Variants in ZNF737 observed in about 807,000 individuals in gnomAD.
The protein encoded by ZNF737 is zinc finger protein 102 (Y3).
ZNF737 carries 13 observed loss-of-function variants against 11.7 expected under a neutral mutation model. The ratio of observed to expected loss-of-function variants is 1.11; its 90% confidence interval spans 0.73 to 1.77. ZNF737 has a LOEUF of 1.77. Among genes scored for constraint, ZNF737 ranks in the 40% most tolerant of loss-of-function variants. The pLI, the probability that ZNF737 is intolerant of heterozygous loss-of-function variation, is 0.00. For synonymous variants in ZNF737, 217 were observed against 216.2 expected (o/e 1.00, Z -0.03); for missense variants, 636 against 638.0 (o/e 1.00, Z 0.03).
At chr19:20,551,588 A>G (rs1968674139) in intron 3 of ZNF737, among the ~76,000 whole-genome samples, 1 of 152,108 alleles carries the variant, frequency 6.6e-6, no homozygotes, top group African/African-American at 2.4e-5. Flanking sequence ...TGAGTAAATT[A>G]GCAAAATATA....
chr19:20,562,351 T>G (rs1291777631), intron 1 of ZNF737, among the ~76,000 whole-genome samples: 17 of 150,824 alleles, frequency 1.1e-4, no homozygotes, highest in Non-Finnish European at 3.0e-5. Flanking sequence ...TTTTTTTTTT[T>G]TTTTTTTGAA....
rs376021639 is a variant in ZNF737, at chr19:20,544,611, T to C, written c.1592A>G (p.His531Arg). 2.0e-5 allele frequency: 32 copies of C among 1,604,436 alleles called. 2 individuals are homozygous for C. In the Middle Eastern group the frequency reaches 9.9e-4, roughly 50 times the overall value. The change falls in exon 4 of 4, where the codon CAT becomes CGT. Residue 531 changes from histidine to arginine, a missense_variant. His to Arg is a conservative substitution (Grantham distance 29). Coordinates refer to ENST00000427401, the MANE Select transcript of ZNF737 (RefSeq NM_001159293.2). The part of the protein sequence containing the change: ...PSTLTTHKVI[H>R]TGEKL Reference sequence around the variant, plus strand: ...TCACATTTATAGTTTCTCTCCAGTATGAATTACCTTATGTGTAGTAAGGGT... The same window carrying C: ...TCACATTTATAGTTTCTCTCCAGTACGAATTACCTTATGTGTAGTAAGGGT...
At chr19:20,551,887 GTT>G (rs200893537) in intron 3 of ZNF737, among the ~76,000 whole-genome samples, 1 of 139,924 alleles carries the variant, frequency 7.1e-6, no homozygotes, top group Non-Finnish European at 1.5e-5. Flanking sequence ...AAATTGCAGT[GTT>G]TTTTTTTTAC....
intron 1 of ZNF737, 117 bp downstream of exon 1, chr19:20,565,521 C>A (rs1401022345): frequency 1.9e-6 from 3 of 1,556,592 alleles, no homozygotes; most frequent in Non-Finnish European, 2.7e-6. Flanking sequence ...GCAAGGAGAA[C>A]TCAGGGTGCA....
rs1968342462 is a variant in ZNF737, at chr19:20,544,414, A to G, written c.*178T>C. 6 of 1,447,190 alleles carry G rather than the reference A, an allele frequency of 4.1e-6. No individual in the cohort carries two copies. The highest frequency in any genetic ancestry group is 1.4e-5 in the African/African-American group (1 of 69,840). 89.6% of individuals were successfully genotyped at this position (1,447,190 alleles called of 1,614,324 possible). On this transcript the variant is annotated 3_prime_UTR_variant, in exon 4 of 4. Transcript: ENST00000427401. ...GAGGTGTCCTTAAAGGCTTTGCTGCATTTTCTTATTTGTTGGGTTTCTTTC... is the reference window on the plus strand; with the variant it reads ...GAGGTGTCCTTAAAGGCTTTGCTGCGTTTTCTTATTTGTTGGGTTTCTTTC...
At chr19:20,556,443 C>G (rs150098824) in intron 1 of ZNF737, among the ~76,000 whole-genome samples, 2 of 152,280 alleles carry the variant, frequency 1.3e-5, no homozygotes, top group Non-Finnish European at 2.9e-5. Flanking sequence ...CTAAGCTAAG[C>G]ATTGCCTCTC....
At chr19:20,532,873 A>T (rs373731768), downstream of ZNF737, among the ~76,000 whole-genome samples, 49 of 149,988 alleles carry the variant, frequency 3.3e-4, 7 homozygotes, top group East Asian at 7.8e-3. Context: ...TTCCATCATC[A>T]TCATCATCTA....
At chr19:20,536,209 G>A, downstream of ZNF737, 1 of 625,770 alleles carries the variant, frequency 1.6e-6, no homozygotes, top group Non-Finnish European at 2.0e-6. Flanking sequence ...GATTAATTTT[G>A]TTGATTTCTA....
chr19:20,538,505 T>C lies in ZNF737; in HGVS notation c.*6087A>G. 3.7e-6 allele frequency: 1 copy of C among 269,292 alleles called. No individual in the cohort carries two copies. Among genetic ancestry groups the C allele is most frequent in the Non-Finnish European group, 5.7e-6 (1 of 175,246 alleles). 16.7% of individuals were successfully genotyped at this position (269,292 alleles called of 1,614,324 possible). On this transcript the variant is annotated 3_prime_UTR_variant, in exon 4 of 4. Coordinates refer to ENST00000427401, the MANE Select transcript of ZNF737 (RefSeq NM_001159293.2). ...GCAGTAGGGTGGACACGTCAAGTTA[T>C]AAATGACTCTGTCTCCTCTGTTCAG... is the stretch of plus-strand genomic sequence containing the variant.
downstream of ZNF737, among the ~76,000 whole-genome samples, chr19:20,537,805 G>A (rs922812618): frequency 9.2e-5 from 14 of 151,844 alleles, no homozygotes; most frequent in Admixed American, 3.9e-4. Context: ...ATGAGCCACC[G>A]CACCCAGCCC....
At chr19:20,531,544 C>A (rs1222935134), downstream of ZNF737, among the ~76,000 whole-genome samples, 4 of 149,508 alleles carry the variant, frequency 2.7e-5, 1 homozygote, top group Non-Finnish European at 4.4e-5. Context: ...GAAACCTCGG[C>A]CTCCCAGGTT....
chr19:20,560,936 C>CT (rs1969069704), intron 1 of ZNF737, among the ~76,000 whole-genome samples: 1 of 152,082 alleles, frequency 6.6e-6, no homozygotes, highest in African/African-American at 2.4e-5. Flanking sequence ...GGGTGGAAGA[C>CT]TAAGAGAATC....
intron 1 of ZNF737, among the ~76,000 whole-genome samples, chr19:20,554,548 G>C (rs1483300230): frequency 6.6e-6 from 1 of 152,208 alleles, no homozygotes; most frequent in South Asian, 2.1e-4. Flanking sequence ...ATCTGTCACA[G>C]AGCTATTTAA....
intron 3 of ZNF737, among the ~76,000 whole-genome samples, chr19:20,547,585 T>C (rs372317250): frequency 1.8e-3 from 266 of 151,860 alleles, no homozygotes; most frequent in African/African-American, 6.1e-3. Flanking sequence ...ATATCAACAC[T>C]GATAAAGTTG....
In ZNF737 at chr19:20,542,768, T is replaced by A; in HGVS notation, c.*1824A>T. On this transcript the variant is annotated 3_prime_UTR_variant, in exon 4 of 4. Transcript: ENST00000427401. ...TCTTACTATTTTATAGAAAAAGTCA[T>A]AATGTCCAAATAATGTAAAAAAATC... 2 of 985,018 alleles carry A rather than the reference T, an allele frequency of 2.0e-6. No homozygotes were observed. The highest frequency in any genetic ancestry group is 9.4e-5 in the South Asian group (2 of 21,272). The allele number at this position is 985,018 out of a possible 1,614,324, so 61.0% of individuals were successfully genotyped here.
downstream of ZNF737, among the ~76,000 whole-genome samples, chr19:20,534,720 A>T (rs1568419464): frequency 6.7e-6 from 1 of 149,820 alleles, no homozygotes; most frequent in Non-Finnish European, 1.5e-5. Flanking sequence ...AAATGTGTTA[A>T]ACTTCACGAG....
chr19:20,557,403 C>A (rs1365508179), intron 1 of ZNF737, among the ~76,000 whole-genome samples: 1 of 149,594 alleles, frequency 6.7e-6, no homozygotes, highest in Non-Finnish European at 1.5e-5. Context: ...AGGTCTGGGT[C>A]TGGCTCAGGG....
chr19:20,537,066 G>T (rs1967994667), downstream of ZNF737, among the ~76,000 whole-genome samples: 1 of 152,046 alleles, frequency 6.6e-6, no homozygotes, highest in Non-Finnish European at 1.5e-5. Flanking sequence ...TCATAACACT[G>T]CACTCCAGCC....
chr19:20,551,033 T>C (rs1279432915), intron 3 of ZNF737: 1 of 152,292 alleles, frequency 6.6e-6, no homozygotes, highest in African/African-American at 2.4e-5. Context: ...GTAGGCAGGC[T>C]TGCAGACTTT....
Sources: gnomAD v4.1 joint callset for allele counts (sites outside exome capture counted in the v4.1 genomes callset) on GRCh38, gnomAD v4.1.1 for gene constraint, MANE v1.5 for transcripts, NCBI Gene and HGNC (gene_info 2026-07-23, HGNC 2026-07-21) for gene names.